The following EFCAB11 variants were observed in gnomAD, a reference collection of about 807,000 sequenced individuals.
EFCAB11 encodes EF-hand calcium binding domain 11, also known as EF-hand calcium-binding domain-containing protein 11.
In EFCAB11, 14 loss-of-function variants were observed where a neutral mutation model predicts 23.0. That is an observed-to-expected ratio of 0.61 (90% CI 0.40 to 0.95). The LOEUF (loss-of-function observed/expected upper bound fraction) is 0.95. Ranked by LOEUF, EFCAB11 falls within the 40% of genes least tolerant of loss-of-function variation. The pLI is 0.00. For synonymous variants in EFCAB11, 65 were observed against 66.6 expected, an observed-to-expected ratio of 0.98 and a Z score of 0.11; for missense variants, 198 against 195.8, an observed-to-expected ratio of 1.01 and a Z score of -0.07.
At chr14:89,927,638 T>TA (rs1273254876) in intron 5 of EFCAB11, among the ~76,000 whole-genome samples, 2 of 152,220 alleles carry the variant, frequency 1.3e-5, no homozygotes, top group Non-Finnish European at 2.9e-5. Context: ...TGTGATATGT[T>TA]AGACATCTCT....
chr14:89,924,563 G>T, intron 5 of EFCAB11: 1 of 1,526,892 alleles, frequency 6.5e-7, no homozygotes. Flanking sequence ...TATCCATGCA[G>T]AGAAAAATGC....
At chr14:89,799,867 AT>A (rs1885711658) in intron 5 of EFCAB11, among the ~76,000 whole-genome samples, 1 of 152,128 alleles carries the variant, frequency 6.6e-6, no homozygotes, top group South Asian at 2.1e-4. Context: ...GAAAGAAACT[AT>A]CACCTCATTG....
chr14:89,878,487 GAAAAT>G (rs1888508437), intron 5 of EFCAB11, among the ~76,000 whole-genome samples: 1 of 151,888 alleles, frequency 6.6e-6, no homozygotes, highest in Non-Finnish European at 1.5e-5. Flanking sequence ...TCCAAAACAA[GAAAAT>G]AAAAGATGAA....
At chr14:89,886,194 G>T (rs1047647375) in intron 5 of EFCAB11, among the ~76,000 whole-genome samples, 2 of 152,126 alleles carry the variant, frequency 1.3e-5, no homozygotes, top group African/African-American at 4.8e-5. Flanking sequence ...GCATTCAACT[G>T]ATTAGATGAG....
rs139397444 is a variant in EFCAB11, at chr14:89,892,639, C to T, written c.410+38902G>A. ...TCTGATGGCCAGGCATGGTGGCTCA[C>T]GCCTGTAATCCTAGCATTTTCGGAG... On this transcript the variant is annotated intron_variant, in intron 5 of 5. Coordinates refer to ENST00000316738, the MANE Select transcript of EFCAB11 (RefSeq NM_145231.4). Among the ~76,000 whole-genome samples the T allele has an allele frequency of 1.3e-4, 20 of 152,282 alleles. No individual in the cohort carries two copies. The East Asian group carries it at 3.9e-3, about 29-fold the overall frequency.
At chr14:89,854,215 A>G (rs1273269354) in intron 5 of EFCAB11, among the ~76,000 whole-genome samples, 2 of 141,516 alleles carry the variant, frequency 1.4e-5, no homozygotes, top group East Asian at 4.0e-4. Flanking sequence ...AAAAAATGAC[A>G]TCTCAAAGCA....
chr14:89,922,427 C>G (rs377757047), intron 5 of EFCAB11, among the ~76,000 whole-genome samples: 2 of 152,166 alleles, frequency 1.3e-5, no homozygotes, highest in African/African-American at 4.8e-5. Context: ...GCTGGAGAAG[C>G]CTGCCAGATT....
chr14:89,808,982 C>CTTCAGCTAACAGTTAGAATTTGTTTT (rs1886062408), intron 5 of EFCAB11, among the ~76,000 whole-genome samples: 1 of 152,200 alleles, frequency 6.6e-6, no homozygotes, highest in African/African-American at 2.4e-5. Flanking sequence ...GGAAGTGCTT[C>CTTCAGCTAACAGTTAGAATTTGTTTT]TTCAGCTAAC....
chr14:89,853,388 CCTA>C (rs1383949309), intron 5 of EFCAB11, among the ~76,000 whole-genome samples: 2 of 152,188 alleles, frequency 1.3e-5, no homozygotes, highest in African/African-American at 2.4e-5. Context: ...TTATTGAGTA[CCTA>C]CTATGTGCCA....
At chr14:89,811,840 G>A (rs550672986) in intron 5 of EFCAB11, among the ~76,000 whole-genome samples, 50 of 152,260 alleles carry the variant, frequency 3.3e-4, no homozygotes, top group African/African-American at 1.2e-3. Flanking sequence ...CAAGTCGGTG[G>A]CAACTTGTTA....
intron 5 of EFCAB11, among the ~76,000 whole-genome samples, chr14:89,834,375 C>CA (rs5810476): frequency 0.041 from 1,327 of 32,278 alleles, 121 homozygotes; most frequent in African/African-American, 0.061. Context: ...GACTCCGTCT[C>CA]AAAAAAAAAA....
intron 5 of EFCAB11, among the ~76,000 whole-genome samples, chr14:89,928,561 T>C (rs1248220016): frequency 6.6e-6 from 1 of 151,686 alleles, no homozygotes; most frequent in Non-Finnish European, 1.5e-5. Flanking sequence ...GTTTAGGAAT[T>C]TGAAAATTTG....
chr14:89,917,601 CATT>C (rs1274631608), intron 5 of EFCAB11, among the ~76,000 whole-genome samples: 1 of 152,134 alleles, frequency 6.6e-6, no homozygotes, highest in Non-Finnish European at 1.5e-5. Flanking sequence ...TCTACTCCAT[CATT>C]ATCATTACTA....
At chr14:89,934,996 C>T (rs922950253) in intron 3 of EFCAB11, among the ~76,000 whole-genome samples, 3 of 152,194 alleles carry the variant, frequency 2.0e-5, no homozygotes, top group African/African-American at 7.2e-5. Flanking sequence ...CACACCTTTG[C>T]ATGTATAGAA....
Position 89,862,947 on chromosome 14 carries a change from T to C in EFCAB11, c.411-65623A>G, listed in dbSNP as rs1222572848. On this transcript the variant is annotated intron_variant, in intron 5 of 5. Transcript: ENST00000316738. ...ATATGTACTTACATCTAATTTCCTCTGCATTATTTCTTTCTACTCATATGT... is the reference window on the plus strand; with the variant it reads ...ATATGTACTTACATCTAATTTCCTCCGCATTATTTCTTTCTACTCATATGT... Among the ~76,000 whole-genome samples, 3 of 152,334 alleles carry C rather than the reference T, an allele frequency of 2.0e-5. No homozygotes were observed. The South Asian group carries it at 6.2e-4, about 32-fold the overall frequency.
intron 5 of EFCAB11, among the ~76,000 whole-genome samples, chr14:89,913,969 A>T (rs1472673707): frequency 6.6e-6 from 1 of 152,116 alleles, no homozygotes; most frequent in Non-Finnish European, 1.5e-5. Context: ...TATGCCGGAG[A>T]CCCAGCAATA....
At chr14:89,811,069 G>C (rs921300151) in intron 5 of EFCAB11, among the ~76,000 whole-genome samples, 5 of 152,076 alleles carry the variant, frequency 3.3e-5, no homozygotes, top group African/African-American at 1.2e-4. Flanking sequence ...GGACCTGGCT[G>C]AAATCTGAGA....
chr14:89,916,169 GA>G (rs1278722039), intron 5 of EFCAB11, among the ~76,000 whole-genome samples: 8 of 146,274 alleles, frequency 5.5e-5, no homozygotes, highest in Middle Eastern at 3.5e-3. Context: ...AAAAAAAAAA[GA>G]AAAAAAGAAA....
chr14:89,886,903 A>T (rs1888805240), intron 5 of EFCAB11, among the ~76,000 whole-genome samples: 1 of 152,208 alleles, frequency 6.6e-6, no homozygotes, highest in Non-Finnish European at 1.5e-5. Flanking sequence ...CTTTTTAGTT[A>T]GCTAATTATT....
Sources: gnomAD v4.1 joint callset for allele counts (sites outside exome capture counted in the v4.1 genomes callset) on GRCh38, gnomAD v4.1.1 for gene constraint, MANE v1.5 for transcripts, NCBI Gene and HGNC (gene_info 2026-07-23, HGNC 2026-07-21) for gene names.